The following KCNH8 variants were observed in gnomAD, a reference collection of about 807,000 sequenced individuals.
KCNH8 encodes potassium voltage-gated channel subfamily H member 8, also known as voltage-gated delayed rectifier potassium channel KCNH8.
KCNH8 carries 70 observed loss-of-function variants against 103.6 expected under a neutral mutation model. The ratio of observed to expected loss-of-function variants is 0.68; its 90% CI spans 0.56 to 0.82. The LOEUF is 0.82. KCNH8 is among the 40% of genes least tolerant of loss of function. KCNH8 has a pLI of 0.00. For missense variants in KCNH8, 1,217 were observed against 1,329.9 expected, an observed-to-expected ratio of 0.92 and a Z score of 1.32; for synonymous variants, 498 against 489.4, an observed-to-expected ratio of 1.02 and a Z score of -0.23.
intron 15 of KCNH8, among the ~76,000 whole-genome samples, chr3:19,532,852 G>C (rs1391332504): frequency 6.6e-6 from 1 of 152,150 alleles, no homozygotes; most frequent in Non-Finnish European, 1.5e-5. Context: ...TCATTCAAAT[G>C]CTTAACCTAC....
chr3:19,215,109 T>G (rs1402170729), intron 1 of KCNH8, among the ~76,000 whole-genome samples: 4 of 152,210 alleles, frequency 2.6e-5, no homozygotes, highest in African/African-American at 9.6e-5. Flanking sequence ...GAGCTCTACC[T>G]TCCCAGTTCC....
At chr3:19,171,584 C>T (rs2063349271) in intron 1 of KCNH8, among the ~76,000 whole-genome samples, 1 of 152,132 alleles carries the variant, frequency 6.6e-6, no homozygotes, top group Admixed American at 6.5e-5. Flanking sequence ...ATAAGTTAGC[C>T]TATCAAGACC....
chr3:19,479,851 A>G (rs1207307969), intron 11 of KCNH8, among the ~76,000 whole-genome samples: 1 of 152,208 alleles, frequency 6.6e-6, no homozygotes, highest in Non-Finnish European at 1.5e-5. Flanking sequence ...AGTGAATAAG[A>G]TAAAATATGG....
At chr3:19,170,679 C>CACACATATATAT (rs2063335041) in intron 1 of KCNH8, among the ~76,000 whole-genome samples, 1 of 144,564 alleles carries the variant, frequency 6.9e-6, no homozygotes, top group African/African-American at 2.6e-5. Context: ...TATATACACA[C>CACACATATATAT]ACACATATAT....
intron 7 of KCNH8, among the ~76,000 whole-genome samples, chr3:19,433,092 A>C (rs2067147149): frequency 6.6e-6 from 1 of 152,096 alleles, no homozygotes; most frequent in Non-Finnish European, 1.5e-5. Context: ...ATCATTGCTT[A>C]AGTGAAATGC....
In KCNH8 at chr3:19,513,176, C is replaced by T. The variant is rs1575162880; in HGVS notation, c.2286C>T (p.Pro762=). ...AGCAACTGGCCTCGGGAACGGTGCC[C>T]TTTCACTCGCCTATCAGAGTCTCCA... ...SLKQLASGTV[P]FHSPIRVSRS... Residue 762 remains proline, a synonymous_variant, in exon 13 of 16, where the codon CCC becomes CCT. Transcript: ENST00000328405. 6.2e-7 allele frequency: 1 copy of T among 1,613,956 alleles called. No individual in the cohort carries two copies. Among genetic ancestry groups the T allele is most frequent in the Non-Finnish European group, 8.5e-7 (1 of 1,179,942 alleles).
rs142421308 is a variant in KCNH8, at chr3:19,227,555, C to T, written c.77-26099C>T. 1.8e-3 allele frequency among the ~76,000 whole-genome samples: 267 copies of T among 152,226 alleles called. 6 individuals carry two copies. The highest frequency in any genetic ancestry group is 0.014 in the Admixed American group (208 of 15,288). On this transcript the variant is annotated intron_variant, in intron 1 of 15. Transcript: ENST00000328405. ...CAGAGCTTGAGAAGGAGTATACACACGCAGAGGGACACATAGGTTACAAAT... is the reference window on the plus strand; with the variant it reads ...CAGAGCTTGAGAAGGAGTATACACATGCAGAGGGACACATAGGTTACAAAT...
rs558786293 is a variant in KCNH8 at position 19,378,463 on chromosome 3, T to G, written c.812-12018T>G. Among the ~76,000 whole-genome samples the G allele has an allele frequency of 1.4e-4, 21 of 152,314 alleles. No homozygotes were observed. In the East Asian group the frequency reaches 3.3e-3, roughly 24 times the overall value. On this transcript the variant is annotated intron_variant, in intron 5 of 15. Transcript: ENST00000328405. ...GACTGTTTTAAGTATTAGAAGCAAT[T>G]TTTCCCATCATTTTGACTCAAAGAA...
intron 11 of KCNH8, among the ~76,000 whole-genome samples, chr3:19,492,667 C>CT (rs1049879851): frequency 4.0e-5 from 6 of 151,896 alleles, no homozygotes; most frequent in African/African-American, 1.2e-4. Context: ...TGTTTGGGCT[C>CT]TTTTTTTGGT....
At chr3:19,413,917 A>G (rs2066822735) in intron 7 of KCNH8, among the ~76,000 whole-genome samples, 1 of 152,106 alleles carries the variant, frequency 6.6e-6, no homozygotes, top group Non-Finnish European at 1.5e-5. Flanking sequence ...CATCAGTAAA[A>G]GTTAAGTGTC....
rs568025992 is a variant in KCNH8, at chr3:19,397,383, G to A, written c.1177+2072G>A. Among the ~76,000 whole-genome samples the A allele has an allele frequency of 3.3e-5, 5 of 151,714 alleles. 1 individual carries two copies. The South Asian group carries it at 8.3e-4, about 25-fold the overall frequency. ...TTTTTTCACCTGTTTGGGCCTCAGT[G>A]TCCTCGTCTACAATGTGAAAAAGCT... On this transcript the variant is annotated intron_variant, in intron 7 of 15. Coordinates refer to ENST00000328405, the MANE Select transcript of KCNH8 (RefSeq NM_144633.3).
At chr3:19,282,736 T>G (rs149886420) in intron 3 of KCNH8, among the ~76,000 whole-genome samples, 4 of 152,278 alleles carry the variant, frequency 2.6e-5, no homozygotes, top group Non-Finnish European at 4.4e-5. Context: ...CCCATCTTGG[T>G]GGACTGCAGT....
chr3:19,262,087 A>G (rs1365278967), intron 2 of KCNH8, among the ~76,000 whole-genome samples: 1 of 151,430 alleles, frequency 6.6e-6, no homozygotes, highest in Non-Finnish European at 1.5e-5. Context: ...CATTTTGACT[A>G]TTTTGGGTCT....
intron 1 of KCNH8, among the ~76,000 whole-genome samples, chr3:19,170,058 C>T (rs2063326115): frequency 6.6e-6 from 1 of 152,106 alleles, no homozygotes; most frequent in Non-Finnish European, 1.5e-5. Flanking sequence ...TGTGTTCCAG[C>T]CTTATATCCT....
intron 5 of KCNH8, among the ~76,000 whole-genome samples, chr3:19,370,125 A>G (rs148057516): frequency 2.6e-5 from 4 of 152,034 alleles, no homozygotes; most frequent in Non-Finnish European, 5.9e-5. Flanking sequence ...TTTAGGATAT[A>G]GTTCGCTTGT....
intron 5 of KCNH8, among the ~76,000 whole-genome samples, chr3:19,381,235 C>T (rs1048610998): frequency 6.6e-6 from 1 of 151,898 alleles, no homozygotes; most frequent in Non-Finnish European, 1.5e-5. Context: ...AATGAATCTG[C>T]ACATATATGA....
chr3:19,309,753 A>G (rs997019534), intron 3 of KCNH8, among the ~76,000 whole-genome samples: 5 of 151,970 alleles, frequency 3.3e-5, no homozygotes, highest in African/African-American at 1.2e-4. Context: ...ACAGCAAAAC[A>G]TGAACCAAAA....
chr3:19,210,967 T>C (rs2063765066), intron 1 of KCNH8, among the ~76,000 whole-genome samples: 1 of 152,180 alleles, frequency 6.6e-6, no homozygotes, highest in Non-Finnish European at 1.5e-5. Flanking sequence ...TTCAAATATT[T>C]TTATTTCAAT....
chr3:19,524,634 G>T (rs188748160), intron 15 of KCNH8, among the ~76,000 whole-genome samples: 2 of 151,930 alleles, frequency 1.3e-5, no homozygotes, highest in East Asian at 3.9e-4. Flanking sequence ...TCCTGTGAGG[G>T]GTGGATTTAA....
Sources: gnomAD v4.1 joint callset for allele counts (sites outside exome capture counted in the v4.1 genomes callset) on GRCh38, gnomAD v4.1.1 for gene constraint, MANE v1.5 for transcripts, NCBI Gene and HGNC (gene_info 2026-07-23, HGNC 2026-07-21) for gene names.